The following GALNT12 variants were observed in gnomAD, a reference collection of about 807,000 sequenced individuals.
GALNT12 encodes the protein polypeptide N-acetylgalactosaminyltransferase 12.
Under a neutral mutation model 55.5 loss-of-function variants are expected in GALNT12, and 45 were observed. The observed-to-expected ratio is 0.81, with a 90% CI of 0.64 to 1.04. The LOEUF (loss-of-function observed/expected upper bound fraction) is 1.04. Among genes scored for constraint, GALNT12 ranks in the 50% least tolerant of loss-of-function variants. GALNT12 has a pLI of 0.00. For synonymous variants in GALNT12, 304 were observed against 312.2 expected (o/e 0.97, Z 0.28); for missense variants, 709 against 754.8 (o/e 0.94, Z 0.71).
chr9:98,814,022 A>G (rs1024178406), intron 1 of GALNT12, among the ~76,000 whole-genome samples: 1 of 152,236 alleles, frequency 6.6e-6, no homozygotes, highest in Non-Finnish European at 1.5e-5. Flanking sequence ...ATTGGGTTCT[A>G]TTATAGAAAA....
intron 9 of GALNT12, 134 bp from the exon 10 acceptor site, chr9:98,848,818 T>C: frequency 9.5e-7 from 1 of 1,047,964 alleles, no homozygotes; most frequent in Non-Finnish European, 1.4e-6. Context: ...AGTTGCTGCG[T>C]TACACGGAAG....
At chr9:98,840,522 C>T (rs969760352) in intron 7 of GALNT12, among the ~76,000 whole-genome samples, 2 of 152,026 alleles carry the variant, frequency 1.3e-5, no homozygotes, top group African/African-American at 2.4e-5. Context: ...GGAGTCACTT[C>T]GAGTATTTCA....
intron 8 of GALNT12, 152 bp downstream of exon 8, chr9:98,844,361 ATGT>A (rs1836365444): frequency 3.1e-6 from 2 of 652,746 alleles, no homozygotes; most frequent in Admixed American, 2.6e-5. Context: ...TAAAATTAAA[ATGT>A]GTTTTCTTCC....
At chr9:98,837,188 C>G in intron 6 of GALNT12, 40 bp downstream of exon 6, 1 of 1,602,100 alleles carries the variant, frequency 6.2e-7, no homozygotes, top group Non-Finnish European at 8.6e-7. Context: ...CTGGCTTCAT[C>G]TGAACAACAG....
At chr9:98,819,519 C>T (rs983004826) in intron 1 of GALNT12, among the ~76,000 whole-genome samples, 1 of 152,178 alleles carries the variant, frequency 6.6e-6, no homozygotes, top group African/African-American at 2.4e-5. Context: ...TGACTGAGAA[C>T]AGCCAGCCCC....
intron 9 of GALNT12, chr9:98,848,651 T>G: frequency 4.7e-6 from 2 of 428,300 alleles, no homozygotes; most frequent in Admixed American, 7.0e-5. Flanking sequence ...ACAAAGGATC[T>G]TTGTTCCTGA....
chr9:98,822,592 T>C (rs1438046607), intron 1 of GALNT12, among the ~76,000 whole-genome samples: 1 of 152,118 alleles, frequency 6.6e-6, no homozygotes, highest in Non-Finnish European at 1.5e-5. Context: ...GTAGAGTCCT[T>C]CCTGGAGTGT....
intron 2 of GALNT12, 124 bp from the exon 3 acceptor site, chr9:98,826,628 A>G: frequency 1.0e-6 from 1 of 984,672 alleles, no homozygotes; most frequent in Non-Finnish European, 1.6e-6. Context: ...GTGGCAGAGC[A>G]AAGGAGGCTC....
chr9:98,814,696 A>G (rs1044201894), intron 1 of GALNT12, among the ~76,000 whole-genome samples: 1 of 152,082 alleles, frequency 6.6e-6, no homozygotes. Flanking sequence ...GGTGAAAAAA[A>G]AAAAAAGGAA....
At chr9:98,810,788 G>T (rs889562632) in intron 1 of GALNT12, among the ~76,000 whole-genome samples, 1 of 152,148 alleles carries the variant, frequency 6.6e-6, no homozygotes, top group Non-Finnish European at 1.5e-5. Context: ...CATGCCAGTG[G>T]ATTCGAGTAT....
rs751621695 is a variant in GALNT12, at chr9:98,835,336, G to A, written c.1005G>A (p.Trp335Ter). ...LGSYDTGMEV[W>*]GGENLEFSFR... ...CTTATGATACAGGAATGGAAGTTTG[G>A]GGAGGAGAAAACCTCGAATTTTCCT... is the stretch of plus-strand genomic sequence containing the variant. Residue 335 changes from tryptophan (W) to a stop codon, truncating the protein, a stop_gained, in exon 5 of 10, where the codon TGG becomes TGA. Coordinates refer to ENST00000375011, the MANE Select transcript of GALNT12 (RefSeq NM_024642.5). LOFTEE classifies it high-confidence loss of function. The A allele has an allele frequency of 2.5e-6, 4 of 1,612,896 alleles. No homozygotes were observed. The East Asian group carries it at 6.7e-5, about 27-fold the overall frequency.
At chr9:98,837,219 A>C (rs1250317347) in intron 6 of GALNT12, 71 bp downstream of exon 6, 3 of 1,427,386 alleles carry the variant, frequency 2.1e-6, no homozygotes, top group South Asian at 1.1e-5. Flanking sequence ...TGGCTTCCCC[A>C]ACATAGTCGA....
intron 8 of GALNT12, among the ~76,000 whole-genome samples, chr9:98,845,530 G>A (rs1050402356): frequency 5.9e-5 from 9 of 152,130 alleles, no homozygotes; most frequent in African/African-American, 1.7e-4. Context: ...GTCTGCTTGT[G>A]CACAGCACTT....
chr9:98,814,088 T>C (rs959328954), intron 1 of GALNT12, among the ~76,000 whole-genome samples: 13 of 152,316 alleles, frequency 8.5e-5, no homozygotes, highest in South Asian at 2.1e-4. Context: ...AGGGACTCAA[T>C]TGATGTCATC....
At chr9:98,826,988 A>G (rs2118379412) in intron 3 of GALNT12, 47 bp downstream of exon 3, 1 of 1,537,478 alleles carries the variant, frequency 6.5e-7, no homozygotes, top group Non-Finnish European at 8.8e-7. Flanking sequence ...TACCTGGAGT[A>G]GGTAGCATGA....
At chr9:98,845,189 G>C (rs1836383770) in intron 8 of GALNT12, among the ~76,000 whole-genome samples, 1 of 152,162 alleles carries the variant, frequency 6.6e-6, no homozygotes, top group African/African-American at 2.4e-5. Context: ...CACATTTTCA[G>C]ACTGATCCCA....
chr9:98,827,040 T>G, intron 3 of GALNT12, 99 bp downstream of exon 3: 1 of 1,243,990 alleles, frequency 8.0e-7, no homozygotes, highest in Non-Finnish European at 1.1e-6. Context: ...ACGGGTTGCC[T>G]GGGCTCAGCT....
intron 2 of GALNT12, among the ~76,000 whole-genome samples, chr9:98,826,001 G>T (rs1835848974): frequency 6.6e-6 from 1 of 151,932 alleles, no homozygotes; most frequent in Non-Finnish European, 1.5e-5. Flanking sequence ...ACCAATTAAT[G>T]CTTTTATTTA....
chr9:98,826,767 G>T lies in GALNT12; in HGVS notation c.557G>T (p.Arg186Leu). The change falls in exon 3 of 10, where the codon CGC (arginine) becomes CTC (leucine). Residue 186 changes from arginine to leucine, a missense_variant. Physicochemically the swap from Arg to Leu is moderately radical, Grantham distance 102. Around this residue, in one of 5 missense-constraint regions of GALNT12, gnomAD observed 315 missense variants for 288.6 expected, o/e 1.09. Coordinates refer to ENST00000375011, the MANE Select transcript of GALNT12 (RefSeq NM_024642.5). The part of the protein sequence containing the change: ...DYSDREHLKE[R>L]LANELSGLPK... ...GCCTCCCTAGAGCACCTGAAGGAGCGCTTGGCCAATGAGCTTTCGGGACTG... is the reference window on the plus strand; with the variant it reads ...GCCTCCCTAGAGCACCTGAAGGAGCTCTTGGCCAATGAGCTTTCGGGACTG... 3.7e-6 allele frequency: 6 copies of T among 1,611,436 alleles called. No homozygotes were observed. The highest frequency in any genetic ancestry group is 2.2e-5 in the South Asian group (2 of 90,694).
Sources: gnomAD v4.1 joint callset for allele counts (sites outside exome capture counted in the v4.1 genomes callset) on GRCh38, gnomAD v4.1.1 for gene constraint, gnomAD v4.1.1 regional missense constraint, MANE v1.5 for transcripts, NCBI Gene and HGNC (gene_info 2026-07-23, HGNC 2026-07-21) for gene names.